The following LYRM7 variants were observed in gnomAD, a reference collection of about 807,000 sequenced individuals.
LYRM7 encodes complex III assembly factor LYRM7.
Under a neutral mutation model 15.8 loss-of-function variants are expected in LYRM7, and 9 were observed. That is an observed-to-expected ratio of 0.57 (90% CI 0.34 to 0.99). The LOEUF (loss-of-function observed/expected upper bound fraction) is 0.99. Ranked by LOEUF, LYRM7 falls within the 50% of genes least tolerant of loss-of-function variation. The pLI, the probability that LYRM7 is intolerant of heterozygous loss-of-function variation, is 0.02. For missense variants in LYRM7, 115 were observed against 119.1 expected (o/e 0.97, Z 0.16); for synonymous variants, 39 against 39.4 (o/e 0.99, Z 0.04).
chr5:131,189,567 C>T (rs188819657), intron 4 of LYRM7, among the ~76,000 whole-genome samples: 14 of 147,228 alleles, frequency 9.5e-5, no homozygotes, highest in African/African-American at 2.7e-4. Context: ...TATTTTTTTA[C>T]ATGTGACTAT....
In LYRM7 at chr5:131,203,176, A is replaced by T. The variant is rs1215606533; in HGVS notation, c.*3575A>T. ...CCAGTTCTGAAGGTGAGTTTTCTGA[A>T]GCCAAAGTGGATACATGCAAAATTA... On this transcript the variant is annotated 3_prime_UTR_variant, in exon 5 of 5. Transcript: ENST00000379380. 1 of 152,368 alleles carries T rather than the reference A, an allele frequency of 6.6e-6. No individual in the cohort carries two copies. The highest frequency in any genetic ancestry group is 1.5e-5 in the Non-Finnish European group (1 of 68,042). The allele number at this position is 152,368 out of a possible 1,614,324, so 9.4% of individuals were successfully genotyped here. A position where few individuals can be genotyped will look rare whatever the true frequency, so the allele number is the denominator to read the frequency against.
At position 131,202,075 on chromosome 5, in the gene LYRM7, C is replaced by T. The variant is rs1167786086; in HGVS notation, c.*2474C>T. On this transcript the variant is annotated 3_prime_UTR_variant, in exon 5 of 5. Transcript: ENST00000379380. Reference sequence around the variant, plus strand: ...TCTCAAATTCCTGAGCTCAGTTGATCCTCCCACCTCAGCCTCCCAAAGTGC... The same window carrying T: ...TCTCAAATTCCTGAGCTCAGTTGATTCTCCCACCTCAGCCTCCCAAAGTGC... 1 of 152,058 alleles carries T rather than the reference C, an allele frequency of 6.6e-6. No homozygotes were observed. Among genetic ancestry groups the T allele is most frequent in the Non-Finnish European group, 1.5e-5 (1 of 68,006 alleles). The allele number at this position is 152,058 out of a possible 1,614,324, so 9.4% of individuals were successfully genotyped here.
chr5:131,187,428 C>T (rs1755814470), intron 4 of LYRM7, among the ~76,000 whole-genome samples: 1 of 151,602 alleles, frequency 6.6e-6, no homozygotes, highest in Non-Finnish European at 1.5e-5. Flanking sequence ...CTTACCTAGA[C>T]TATTTCTTTA....
rs1239057104 is a variant in LYRM7, at chr5:131,199,767, A to G, written c.*166A>G. ...TCATGTTAAAAGGTCATTACTGAGA[A>G]CTAAAGAACATAATTAAGTATTTCT... On this transcript the variant is annotated 3_prime_UTR_variant, in exon 5 of 5. Coordinates refer to ENST00000379380, the MANE Select transcript of LYRM7 (RefSeq NM_181705.4). The G allele has an allele frequency of 4.6e-6, 2 of 434,774 alleles. No individual in the cohort carries two copies. The highest frequency in any genetic ancestry group is 4.2e-6 in the Non-Finnish European group (1 of 240,120). 26.9% of individuals were successfully genotyped at this position (434,774 alleles called of 1,614,324 possible).
At chr5:131,189,868 C>G (rs1204151957) in intron 4 of LYRM7, among the ~76,000 whole-genome samples, 1 of 151,972 alleles carries the variant, frequency 6.6e-6, no homozygotes, top group Non-Finnish European at 1.5e-5. Context: ...CACTGTGGTT[C>G]ACACCTGTAA....
At position 131,177,146 on chromosome 5, in the gene LYRM7, A is replaced by G. The variant is rs114396809; in HGVS notation, c.19-2949A>G. On this transcript the variant is annotated intron_variant, in intron 1 of 4. Coordinates refer to ENST00000379380, the MANE Select transcript of LYRM7 (RefSeq NM_181705.4). ...TTTTTAAAAATATCCTTTAATAGAT[A>G]TCCTAGATATCTGTTCCCAAATTCT... Among the ~76,000 whole-genome samples the G allele has an allele frequency of 7.4e-3, 1,121 of 152,332 alleles. 12 individuals are homozygous for G. Among genetic ancestry groups the G allele is most frequent in the African/African-American group, 0.024 (1,002 of 41,564 alleles).
intron 4 of LYRM7, among the ~76,000 whole-genome samples, chr5:131,195,395 A>G (rs1755948231): frequency 6.6e-6 from 1 of 152,226 alleles, no homozygotes; most frequent in Non-Finnish European, 1.5e-5. Flanking sequence ...TCTACAGCCT[A>G]GAGTCTAATT....
Position 131,199,608 on chromosome 5 carries a change from T to C in LYRM7, c.*7T>C. On this transcript the variant is annotated 3_prime_UTR_variant, in exon 5 of 5. Coordinates refer to ENST00000379380, the MANE Select transcript of LYRM7 (RefSeq NM_181705.4). ...ACCAACTCAGAAGCAATGAGTTTTC[T>C]AGAATACAACAAGTCTTTGTACTTT... The C allele has an allele frequency of 6.3e-7, 1 of 1,587,922 alleles. No homozygotes were observed. Among genetic ancestry groups the C allele is most frequent in the Non-Finnish European group, 8.6e-7 (1 of 1,165,094 alleles).
chr5:131,177,957 T>A (rs1342922185), intron 1 of LYRM7, among the ~76,000 whole-genome samples: 1 of 152,202 alleles, frequency 6.6e-6, no homozygotes, highest in African/African-American at 2.4e-5. Flanking sequence ...ACTTAATCCT[T>A]ACTTTCACCT....
intron 2 of LYRM7, among the ~76,000 whole-genome samples, chr5:131,180,647 C>G (rs981780292): frequency 6.6e-6 from 1 of 152,148 alleles, no homozygotes; most frequent in African/African-American, 2.4e-5. Flanking sequence ...CTGTGTTATT[C>G]ATGTTCAGTT....
At chr5:131,183,999 T>G (rs1189801258) in intron 3 of LYRM7, among the ~76,000 whole-genome samples, 1 of 152,204 alleles carries the variant, frequency 6.6e-6, no homozygotes, top group Admixed American at 6.5e-5. Flanking sequence ...AGATGGAGTT[T>G]CGCTCTTGTT....
intron 1 of LYRM7, among the ~76,000 whole-genome samples, chr5:131,176,272 A>G (rs1580692064): frequency 1.3e-5 from 2 of 152,242 alleles, no homozygotes. Flanking sequence ...GGGTCATAAG[A>G]TAACTGTAGG....
At chr5:131,174,843 C>CA (rs1308346873) in intron 1 of LYRM7, among the ~76,000 whole-genome samples, 16 of 150,098 alleles carry the variant, frequency 1.1e-4, no homozygotes, top group South Asian at 6.3e-4. Flanking sequence ...GGCCCTGTCT[C>CA]AAAAAAAAAG....
intron 2 of LYRM7, among the ~76,000 whole-genome samples, chr5:131,181,817 C>G (rs1755718094): frequency 6.6e-6 from 1 of 151,864 alleles, no homozygotes; most frequent in South Asian, 2.1e-4. Context: ...TGTTTGCTGC[C>G]AATCTCTGTG....
chr5:131,190,843 A>C (rs902384873), intron 4 of LYRM7, among the ~76,000 whole-genome samples: 1 of 152,068 alleles, frequency 6.6e-6, no homozygotes, highest in Non-Finnish European at 1.5e-5. Context: ...TAAACTTAAG[A>C]TGTGTAGTCA....
Position 131,199,626 on chromosome 5 carries a change from T to C in LYRM7, c.*25T>C, listed in dbSNP as rs759249406. On this transcript the variant is annotated 3_prime_UTR_variant, in exon 5 of 5. Transcript: ENST00000379380. ...AGTTTTCTAGAATACAACAAGTCTTTGTACTTTTTAACTTTAAAATCTACA... is the reference window on the plus strand; with the variant it reads ...AGTTTTCTAGAATACAACAAGTCTTCGTACTTTTTAACTTTAAAATCTACA... 3 of 1,540,082 alleles carry C rather than the reference T, an allele frequency of 1.9e-6. No individual in the cohort carries two copies. The Admixed American group carries it at 5.8e-5, about 30-fold the overall frequency.
chr5:131,199,555 T>A lies in LYRM7; in HGVS notation c.269T>A (p.Leu90His). 1 of 1,606,142 alleles carries A rather than the reference T, an allele frequency of 6.2e-7. No homozygotes were observed. Among genetic ancestry groups the A allele is most frequent in the Non-Finnish European group, 8.5e-7 (1 of 1,176,208 alleles). ...TLKLVPRKDL[L>H]VENVPYCDAP... ...GAACTGGTCCCTAGGAAAGACCTTC[T>A]TGTAGAAAATGTGCCATATTGTGAT... Residue 90 changes from leucine to histidine, a missense_variant, in exon 5 of 5, where the codon CTT becomes CAT. Leu to His is a moderately conservative substitution (Grantham distance 99). Transcript: ENST00000379380.
At chr5:131,191,147 C>T (rs905785692) in intron 4 of LYRM7, among the ~76,000 whole-genome samples, 2 of 151,204 alleles carry the variant, frequency 1.3e-5, no homozygotes, top group African/African-American at 4.9e-5. Flanking sequence ...TAGCCTCATT[C>T]TTTCTGTGTG....
chr5:131,176,511 C>T (rs1432660421), intron 1 of LYRM7, among the ~76,000 whole-genome samples: 2 of 134,464 alleles, frequency 1.5e-5, no homozygotes, highest in Non-Finnish European at 3.0e-5. Context: ...GCTTATTGGC[C>T]ATTTATGGGT....
Sources: gnomAD v4.1 joint callset for allele counts (sites outside exome capture counted in the v4.1 genomes callset) on GRCh38, gnomAD v4.1.1 for gene constraint, MANE v1.5 for transcripts, NCBI Gene and HGNC (gene_info 2026-07-23, HGNC 2026-07-21) for gene names.